ROR1: variants seen among roughly 807,000 people sequenced by gnomAD.
ROR1 encodes the protein ROR family WNT receptor 1, also known as inactive tyrosine-protein kinase transmembrane receptor ROR1.
ROR1 carries 19 observed loss-of-function variants against 78.8 expected under a neutral mutation model. The observed-to-expected ratio is 0.24, with a 90% CI of 0.17 to 0.35. The LOEUF (loss-of-function observed/expected upper bound fraction) is 0.35. ROR1 is among the 10% of genes least tolerant of loss of function. ROR1 has a pLI of 1.00. For missense variants in ROR1, 917 were observed against 1,177.8 expected, an observed-to-expected ratio of 0.78 and a Z score of 3.24; for synonymous variants, 386 against 433.6, an observed-to-expected ratio of 0.89 and a Z score of 1.36.
At chr1:64,131,515 A>G (rs935859714) in intron 4 of ROR1, among the ~76,000 whole-genome samples, 1 of 149,310 alleles carries the variant, frequency 6.7e-6, no homozygotes, top group South Asian at 2.2e-4. Context: ...CCCTCTCCCA[A>G]GGTCCCTCTA....
At chr1:64,120,780 C>T (rs1018765572) in intron 4 of ROR1, among the ~76,000 whole-genome samples, 4 of 152,134 alleles carry the variant, frequency 2.6e-5, no homozygotes, top group African/African-American at 9.7e-5. Flanking sequence ...GTCTACCTCC[C>T]AGTATTATTT....
At chr1:64,101,100 T>C (rs1392592650) in intron 4 of ROR1, among the ~76,000 whole-genome samples, 1 of 152,178 alleles carries the variant, frequency 6.6e-6, no homozygotes, top group East Asian at 1.9e-4. Flanking sequence ...TTACATGGTT[T>C]TATGGGTAGA....
intron 1 of ROR1, among the ~76,000 whole-genome samples, chr1:63,786,723 C>G (rs567767134): frequency 6.6e-6 from 1 of 151,910 alleles, no homozygotes; most frequent in Non-Finnish European, 1.5e-5. Context: ...CTTAGCCATC[C>G]CAGGATGTGG....
At chr1:63,867,194 G>T (rs1000952009) in intron 1 of ROR1, among the ~76,000 whole-genome samples, 2 of 152,146 alleles carry the variant, frequency 1.3e-5, no homozygotes, top group Admixed American at 6.5e-5. Flanking sequence ...TATTCCTAGT[G>T]CATTCCACTA....
At chr1:63,858,851 G>A (rs758912169) in intron 1 of ROR1, among the ~76,000 whole-genome samples, 27 of 151,932 alleles carry the variant, frequency 1.8e-4, no homozygotes, top group African/African-American at 4.8e-4. Context: ...TGTACTACTC[G>A]GCACATAAAG....
At chr1:63,929,720 G>C (rs1356553222) in intron 1 of ROR1, among the ~76,000 whole-genome samples, 1 of 152,186 alleles carries the variant, frequency 6.6e-6, no homozygotes, top group East Asian at 1.9e-4. Context: ...CTGCTGTAAT[G>C]ATAACTAACA....
intron 2 of ROR1, among the ~76,000 whole-genome samples, chr1:64,018,986 A>G (rs1646543436): frequency 6.6e-6 from 1 of 152,142 alleles, no homozygotes; most frequent in African/African-American, 2.4e-5. Flanking sequence ...TAGAGCAGTA[A>G]TTCTTAACCT....
chr1:63,904,824 A>G (rs1257743243), intron 1 of ROR1, among the ~76,000 whole-genome samples: 1 of 152,164 alleles, frequency 6.6e-6, no homozygotes, highest in Non-Finnish European at 1.5e-5. Flanking sequence ...GAGGAGGCCA[A>G]CCTGCTGATA....
At chr1:63,954,074 C>T (rs890326376) in intron 1 of ROR1, among the ~76,000 whole-genome samples, 1 of 152,160 alleles carries the variant, frequency 6.6e-6, no homozygotes, top group Non-Finnish European at 1.5e-5. Flanking sequence ...GCATACTAGT[C>T]AGGATACAAA....
chr1:63,990,965 C>T (rs1570024561), intron 1 of ROR1, among the ~76,000 whole-genome samples: 1 of 152,170 alleles, frequency 6.6e-6, no homozygotes, highest in Non-Finnish European at 1.5e-5. Flanking sequence ...ATTTATTAGA[C>T]TGGAGTGCAA....
intron 4 of ROR1, among the ~76,000 whole-genome samples, chr1:64,092,672 AG>A (rs1258269163): frequency 2.0e-5 from 3 of 152,228 alleles, no homozygotes; most frequent in Admixed American, 6.5e-5. Flanking sequence ...ACTCCAAAAA[AG>A]TTTGAAAACT....
In ROR1 at chr1:64,143,252, G is replaced by A. The variant is rs544060333; in HGVS notation, c.1174+602G>A. ...TAATGAAAATGGGCCAAGCATGGTG[G>A]CTTATACCTGTAATCCCAACACTCT... On this transcript the variant is annotated intron_variant, in intron 7 of 8. Transcript: ENST00000371079. 3.8e-5 allele frequency: 38 copies of A among 987,264 alleles called. No individual in the cohort carries two copies. In the African/African-American group the frequency reaches 5.6e-4, roughly 15 times the overall value. 61.2% of individuals were successfully genotyped at this position (987,264 alleles called of 1,614,324 possible).
intron 1 of ROR1, among the ~76,000 whole-genome samples, chr1:63,860,712 T>C (rs977864167): frequency 3.6e-5 from 5 of 137,790 alleles, no homozygotes; most frequent in Admixed American, 3.2e-4. Flanking sequence ...GAGGTTGCAG[T>C]GAGCAGAGAT....
chr1:63,938,057 T>C (rs855946), intron 1 of ROR1, among the ~76,000 whole-genome samples: 106,543 of 151,976 alleles, frequency 0.7, 39,829 homozygotes, highest in East Asian at 0.94. Context: ...GGAAGCCTTC[T>C]TTGATATCCC....
chr1:63,827,653 G>C (rs761888862), intron 1 of ROR1, among the ~76,000 whole-genome samples: 1 of 152,186 alleles, frequency 6.6e-6, no homozygotes, highest in African/African-American at 2.4e-5. Flanking sequence ...TCTGAAGTAT[G>C]AGAGGACAGC....
chr1:64,007,608 G>A (rs1379844681), intron 1 of ROR1, among the ~76,000 whole-genome samples: 1 of 151,998 alleles, frequency 6.6e-6, no homozygotes, highest in South Asian at 2.1e-4. Context: ...TTATTGATTT[G>A]TATGTTTGCT....
At chr1:64,091,878 G>A (rs1647200642) in intron 4 of ROR1, among the ~76,000 whole-genome samples, 1 of 152,164 alleles carries the variant, frequency 6.6e-6, no homozygotes, top group African/African-American at 2.4e-5. Flanking sequence ...ATGGGTATGA[G>A]CAGTGTCTAC....
chr1:63,993,448 G>T (rs1646312484), intron 1 of ROR1, among the ~76,000 whole-genome samples: 1 of 152,152 alleles, frequency 6.6e-6, no homozygotes, highest in Non-Finnish European at 1.5e-5. Context: ...CTCTGGTGTA[G>T]ACACTGTTCC....
rs886575810 is a variant in ROR1, at chr1:64,178,154, G to A, written c.2113G>A (p.Val705Met). 28 of 1,614,132 alleles carry A rather than the reference G, an allele frequency of 1.7e-5. No homozygotes were observed. The highest frequency in any genetic ancestry group is 2.4e-5 in the Non-Finnish European group (28 of 1,180,018). ...GFSNQEVIEM[V>M]RKRQLLPCSE... ...CAGTAACCAGGAAGTGATTGAGATG[G>A]TGAGAAAACGGCAGCTCTTACCATG... Residue 705 changes from valine to methionine, a missense_variant, in exon 9 of 9, where the codon GTG (valine) becomes ATG (methionine). This residue lies in a region of ROR1 where 835 missense variants were observed against 1,069.8 expected (regional missense o/e 0.78). Transcript: ENST00000371079. The surrounding 1 kb of genome is among the most constrained non-coding windows in gnomAD (Gnocchi z 4.3).
Sources: allele counts gnomAD v4.1 joint callset (sites outside exome capture counted in the v4.1 genomes callset), GRCh38; gene constraint gnomAD v4.1.1; regional missense constraint gnomAD v4.1.1; non-coding constraint Gnocchi (gnomAD v3.1); transcripts MANE v1.5; gene names NCBI Gene and HGNC (gene_info 2026-07-23, HGNC 2026-07-21).